The following PLEKHA2 variants were observed in gnomAD, a reference collection of about 807,000 sequenced individuals.
The protein encoded by PLEKHA2 is pleckstrin homology domain-containing family A member 2.
In PLEKHA2, 28 loss-of-function variants were observed where a neutral mutation model predicts 53.2. The ratio of observed to expected loss-of-function variants is 0.53; its 90% CI spans 0.39 to 0.72. PLEKHA2 has a LOEUF of 0.72. Among genes scored for constraint, PLEKHA2 ranks in the 30% least tolerant of loss-of-function variants. PLEKHA2 has a pLI of 0.00. For synonymous variants in PLEKHA2, 193 were observed against 196.4 expected, an observed-to-expected ratio of 0.98 and a Z score of 0.14; for missense variants, 426 against 537.9, an observed-to-expected ratio of 0.79 and a Z score of 2.06.
At chr8:38,917,553 G>A (rs1322518002) in intron 1 of PLEKHA2, among the ~76,000 whole-genome samples, 1 of 152,174 alleles carries the variant, frequency 6.6e-6, no homozygotes, top group Non-Finnish European at 1.5e-5. Context: ...TGCAGAAGCT[G>A]AGGCACACGA....
intron 10 of PLEKHA2, 124 bp downstream of exon 10, chr8:38,957,510 C>A: frequency 1.3e-6 from 1 of 761,262 alleles, no homozygotes; most frequent in East Asian, 2.6e-5. Flanking sequence ...TAAATTTAGC[C>A]CCTGAGAGTC....
At chr8:38,908,727 TTCATA>T (rs1833914643) in intron 1 of PLEKHA2, among the ~76,000 whole-genome samples, 2 of 152,390 alleles carry the variant, frequency 1.3e-5, no homozygotes, top group African/African-American at 4.8e-5. Context: ...TATGTACCAT[TTCATA>T]TCTTTTAAAA....
chr8:38,950,581 T>G (rs1834814754), intron 5 of PLEKHA2: 2 of 332,808 alleles, frequency 6.0e-6, no homozygotes, highest in Non-Finnish European at 1.1e-5. Flanking sequence ...GCTTGACACT[T>G]TATCTTTGGT....
intron 2 of PLEKHA2, among the ~76,000 whole-genome samples, chr8:38,933,167 G>A (rs1460750612): frequency 6.6e-6 from 1 of 152,206 alleles, no homozygotes; most frequent in African/African-American, 2.4e-5. Flanking sequence ...GCTGTGGTTT[G>A]GGGTGAGGAG....
chr8:38,966,097 G>GT (rs1383376434), intron 10 of PLEKHA2, among the ~76,000 whole-genome samples: 1 of 152,146 alleles, frequency 6.6e-6, no homozygotes, highest in East Asian at 1.9e-4. Flanking sequence ...CAGAGCACAC[G>GT]TTAGAGAGGT....
At chr8:38,935,874 G>A (rs565590396) in intron 2 of PLEKHA2, 120 bp from the exon 3 acceptor site, 1 of 841,926 alleles carries the variant, frequency 1.2e-6, no homozygotes, top group Non-Finnish European at 2.0e-6. Flanking sequence ...GTTAAAGAAT[G>A]GTTGAGTAAC....
rs1835296599 is a variant in PLEKHA2, at chr8:38,973,801, T to C, written c.*4018T>C. ...CGCTGTAAGCTCTAGGCTGAGTGCATGGAAACTGTTACGCTTCTCATTTTA... is the reference window on the plus strand; with the variant it reads ...CGCTGTAAGCTCTAGGCTGAGTGCACGGAAACTGTTACGCTTCTCATTTTA... On this transcript the variant is annotated 3_prime_UTR_variant, in exon 12 of 12. Coordinates refer to ENST00000617275, the MANE Select transcript of PLEKHA2 (RefSeq NM_021623.2). 5.0e-6 allele frequency: 1 copy of C among 201,626 alleles called. No homozygotes were observed. Among genetic ancestry groups the C allele is most frequent in the Admixed American group, 6.4e-5 (1 of 15,590 alleles). The allele number at this position is 201,626 out of a possible 1,614,324, so 12.5% of individuals were successfully genotyped here.
chr8:38,948,864 T>G (rs1318914454), intron 5 of PLEKHA2, among the ~76,000 whole-genome samples: 1 of 151,840 alleles, frequency 6.6e-6, no homozygotes, highest in African/African-American at 2.4e-5. Context: ...GACATTCAGC[T>G]GTTTTTTTGT....
chr8:38,967,567 G>T (rs1427390561), intron 10 of PLEKHA2, among the ~76,000 whole-genome samples: 1 of 151,920 alleles, frequency 6.6e-6, no homozygotes, highest in Non-Finnish European at 1.5e-5. Context: ...ATTTTAATTT[G>T]CATTTCTCCA....
chr8:38,967,416 G>A (rs1204489524), intron 10 of PLEKHA2, among the ~76,000 whole-genome samples: 1 of 152,136 alleles, frequency 6.6e-6, no homozygotes, highest in East Asian at 1.9e-4. Flanking sequence ...TTAGTTCTTT[G>A]AGAAATCTCT....
At chr8:38,945,628 A>G (rs1054749728) in intron 4 of PLEKHA2, among the ~76,000 whole-genome samples, 31 of 152,332 alleles carry the variant, frequency 2.0e-4, no homozygotes, top group African/African-American at 6.7e-4. Context: ...AGAGGAAAGA[A>G]CAGGTTGAGA....
intron 10 of PLEKHA2, chr8:38,960,836 A>G (rs1010144182): frequency 2.0e-5 from 3 of 152,264 alleles, no homozygotes; most frequent in African/African-American, 7.2e-5. Flanking sequence ...GGTACAATGT[A>G]CAATCTGAAG....
At chr8:38,946,314 C>A in intron 5 of PLEKHA2, 93 bp downstream of exon 5, 1 of 1,093,494 alleles carries the variant, frequency 9.1e-7, no homozygotes, top group Non-Finnish European at 1.4e-6. Context: ...GAGATGGCAG[C>A]GGGGACTTTC....
chr8:38,934,435 T>C (rs1242064525), intron 2 of PLEKHA2, among the ~76,000 whole-genome samples: 1 of 152,180 alleles, frequency 6.6e-6, no homozygotes, highest in Non-Finnish European at 1.5e-5. Flanking sequence ...TCAGAGATTT[T>C]TTTTTTTCTT....
chr8:38,907,782 T>C (rs995509252), intron 1 of PLEKHA2, among the ~76,000 whole-genome samples: 6 of 150,378 alleles, frequency 4.0e-5, no homozygotes, highest in African/African-American at 1.5e-4. Context: ...AAAATTAATC[T>C]ATTCATCTTT....
Position 38,969,941 on chromosome 8 carries a change from C to CTGTGTGTGTGTGTGTG in PLEKHA2, c.*180_*195dup, listed in dbSNP as rs150722357. On this transcript the variant is annotated 3_prime_UTR_variant, in exon 12 of 12. Transcript: ENST00000617275. ...GGAGGGAGGGGCCCATCCAGCTGGG[C>CTGTGTGTGTGTGTGTG]TGTGTGTGTGTGTGTGTGTGTGTGT... 4 of 658,170 alleles carry CTGTGTGTGTGTGTGTG rather than the reference C, an allele frequency of 6.1e-6. No individual in the cohort carries two copies. The African/African-American group carries it at 8.1e-5, about 13-fold the overall frequency. The allele number at this position is 658,170 out of a possible 1,614,324, so 40.8% of individuals were successfully genotyped here.
intron 6 of PLEKHA2, among the ~76,000 whole-genome samples, chr8:38,951,469 G>GTTTTTTTT (rs144541661): frequency 2.5e-4 from 23 of 91,808 alleles, no homozygotes; most frequent in Non-Finnish European, 3.0e-4. Context: ...ATTTATTTAA[G>GTTTTTTTT]TTTTTTTTTT....
At chr8:38,904,872 C>T (rs1415403390) in intron 1 of PLEKHA2, among the ~76,000 whole-genome samples, 2 of 152,242 alleles carry the variant, frequency 1.3e-5, no homozygotes, top group African/African-American at 4.8e-5. Context: ...GGCACCCACA[C>T]ATGCAGTTTA....
Position 38,964,169 on chromosome 8 carries a change from G to A in PLEKHA2, c.838-4423G>A, listed in dbSNP as rs150458724. Among the ~76,000 whole-genome samples, 371 of 152,134 alleles carry A rather than the reference G, an allele frequency of 2.4e-3. 1 individual carries two copies. Among genetic ancestry groups the A allele is most frequent in the African/African-American group, 8.4e-3 (350 of 41,510 alleles). ...AGGGTTCCTAAATATTCCTAAATAC[G>A]AAAAAAGCTTTATCCCCAAAGATGT... On this transcript the variant is annotated intron_variant, in intron 10 of 11. Transcript: ENST00000617275.
Sources: gnomAD v4.1 joint callset for allele counts (sites outside exome capture counted in the v4.1 genomes callset) on GRCh38, gnomAD v4.1.1 for gene constraint, MANE v1.5 for transcripts, NCBI Gene and HGNC (gene_info 2026-07-23, HGNC 2026-07-21) for gene names.